SUMF1: variants seen among roughly 807,000 people sequenced by gnomAD.
SUMF1 encodes the protein formylglycine-generating enzyme.
Under a neutral mutation model 47.6 loss-of-function variants are expected in SUMF1, and 48 were observed. That is an observed-to-expected ratio of 1.01 (90% CI 0.80 to 1.28). The LOEUF is 1.28. Ranked by LOEUF, SUMF1 falls within the 50% of genes most tolerant of loss-of-function variation. SUMF1 has a pLI of 0.00. For missense variants in SUMF1, 571 were observed against 485.4 expected, an observed-to-expected ratio of 1.18 and a Z score of -1.66; for synonymous variants, 230 against 192.1, an observed-to-expected ratio of 1.20 and a Z score of -1.63.
chr3:4,275,361 C>A (rs1697390065), intron 8 of SUMF1, among the ~76,000 whole-genome samples: 1 of 152,184 alleles, frequency 6.6e-6, no homozygotes, highest in Non-Finnish European at 1.5e-5. Flanking sequence ...GTTCTCTCCT[C>A]TGTGTTGGCT....
intron 8 of SUMF1, among the ~76,000 whole-genome samples, chr3:4,150,189 G>T (rs961970737): frequency 6.6e-6 from 1 of 151,906 alleles, no homozygotes; most frequent in Non-Finnish European, 1.5e-5. Flanking sequence ...GATCTCCTGG[G>T]CTCAACCAAT....
At chr3:4,376,017 A>T (rs1443963059) in intron 8 of SUMF1, among the ~76,000 whole-genome samples, 1 of 152,200 alleles carries the variant, frequency 6.6e-6, no homozygotes, top group Non-Finnish European at 1.5e-5. Context: ...GTGCTTTCAG[A>T]CTTACATGCT....
At chr3:4,326,447 A>T (rs1386795267) in intron 8 of SUMF1, among the ~76,000 whole-genome samples, 3 of 151,656 alleles carry the variant, frequency 2.0e-5, no homozygotes, top group Non-Finnish European at 4.4e-5. Flanking sequence ...AGAAAATGAC[A>T]TTCTCTACTT....
At chr3:4,306,392 CT>C (rs60951412) in intron 8 of SUMF1, among the ~76,000 whole-genome samples, 1,743 of 152,166 alleles carry the variant, frequency 0.011, 38 homozygotes, top group African/African-American at 0.04. Context: ...ATAAATACGT[CT>C]ATTTTTAAAA....
intron 7 of SUMF1, among the ~76,000 whole-genome samples, chr3:4,378,749 C>G (rs560031725): frequency 2.0e-4 from 30 of 152,194 alleles, no homozygotes; most frequent in Non-Finnish European, 3.4e-4. Context: ...CACTGTTTCT[C>G]GCTTAACAAT....
chr3:4,100,329 C>T (rs1366498681), intron 8 of SUMF1, among the ~76,000 whole-genome samples: 27 of 151,736 alleles, frequency 1.8e-4, no homozygotes. Context: ...ATAGGACTGG[C>T]ATAAAAACAG....
intron 8 of SUMF1, among the ~76,000 whole-genome samples, chr3:4,252,065 A>T (rs1339896557): frequency 6.6e-6 from 1 of 152,234 alleles, no homozygotes; most frequent in Non-Finnish European, 1.5e-5. Context: ...GCCTGTAGAT[A>T]GTGGTAGTTT....
At chr3:4,225,560 C>A (rs1696155347) in intron 8 of SUMF1, among the ~76,000 whole-genome samples, 1 of 152,072 alleles carries the variant, frequency 6.6e-6, no homozygotes, top group African/African-American at 2.4e-5. Flanking sequence ...GTAAATAAAC[C>A]CAGCTAACAC....
At chr3:4,279,722 A>G (rs1267698512) in intron 8 of SUMF1, among the ~76,000 whole-genome samples, 1 of 152,162 alleles carries the variant, frequency 6.6e-6, no homozygotes, top group East Asian at 1.9e-4. Flanking sequence ...ACCAAGTTAC[A>G]TATGCCACCT....
chr3:4,096,251 A>T (rs1473437762), intron 8 of SUMF1, among the ~76,000 whole-genome samples: 4 of 152,138 alleles, frequency 2.6e-5, no homozygotes, highest in Non-Finnish European at 5.9e-5. Flanking sequence ...ATGCCTGAGA[A>T]CTTCCAGTAA....
chr3:4,158,316 T>C (rs1285322560), intron 8 of SUMF1, among the ~76,000 whole-genome samples: 1 of 151,642 alleles, frequency 6.6e-6, no homozygotes, highest in African/African-American at 2.4e-5. Context: ...AGATACTTGA[T>C]ATGATTTCAA....
chr3:4,355,124 T>C (rs777419192), intron 8 of SUMF1, among the ~76,000 whole-genome samples: 9 of 152,076 alleles, frequency 5.9e-5, no homozygotes, highest in Non-Finnish European at 1.2e-4. Flanking sequence ...CTGAGGCAAG[T>C]GGATTGCTTG....
At chr3:4,107,815 G>A (rs1211039695) in intron 8 of SUMF1, among the ~76,000 whole-genome samples, 6 of 151,960 alleles carry the variant, frequency 3.9e-5, no homozygotes, top group Admixed American at 3.9e-4. Context: ...TGAATTAAGT[G>A]CAAATATAAA....
intron 8 of SUMF1, among the ~76,000 whole-genome samples, chr3:4,263,634 C>A (rs1187257579): frequency 6.6e-6 from 1 of 152,144 alleles, no homozygotes. Flanking sequence ...TGGGAAATGC[C>A]CTCAGACTAT....
At position 4,126,500 on chromosome 3, in the gene SUMF1, C is replaced by A. The variant is rs550968755; in HGVS notation, c.1015-57755G>T. Among the ~76,000 whole-genome samples, 36 of 152,190 alleles carry A rather than the reference C, an allele frequency of 2.4e-4. 1 individual carries two copies. Among genetic ancestry groups the A allele is most frequent in the Middle Eastern group, 3.4e-3 (1 of 294 alleles). On this transcript the variant is annotated intron_variant and NMD_transcript_variant, in intron 8 of 12. Transcript: ENST00000448413. Reference sequence around the variant, plus strand: ...TACATCTTAGCCTCTAGACCATCTACTAGACTCACTACATTCATCCTTAGT... The same window carrying A: ...TACATCTTAGCCTCTAGACCATCTAATAGACTCACTACATTCATCCTTAGT...
At chr3:4,226,091 A>C (rs1487151321) in intron 8 of SUMF1, among the ~76,000 whole-genome samples, 2 of 151,952 alleles carry the variant, frequency 1.3e-5, no homozygotes, top group African/African-American at 4.8e-5. Context: ...CACTCCAAAT[A>C]CATAGGATCT....
chr3:4,451,627 G>GT (rs1176165066), intron 2 of SUMF1, among the ~76,000 whole-genome samples: 1 of 152,170 alleles, frequency 6.6e-6, no homozygotes, highest in Non-Finnish European at 1.5e-5. Context: ...TGAGCTGAGA[G>GT]TATCTCTGTG....
intron 8 of SUMF1, among the ~76,000 whole-genome samples, chr3:4,292,663 G>A (rs1697763396): frequency 6.6e-6 from 1 of 152,132 alleles, no homozygotes; most frequent in African/African-American, 2.4e-5. Flanking sequence ...CAGAGCAAAG[G>A]TAAAATTGGC....
chr3:4,284,441 A>AAGGAGGAGGAGGAGGAGGAGGAGGAAG (rs1697589436), intron 8 of SUMF1, among the ~76,000 whole-genome samples: 1 of 91,640 alleles, frequency 1.1e-5, no homozygotes, highest in Admixed American at 1.1e-4. Flanking sequence ...TAAAAAATGA[A>AAGGAGGAGGAGGAGGAGGAGGAGGAAG]AGGAGGAGGA....
Sources: allele counts gnomAD v4.1 joint callset (sites outside exome capture counted in the v4.1 genomes callset), GRCh38; gene constraint gnomAD v4.1.1; transcripts MANE v1.5; gene names NCBI Gene and HGNC (gene_info 2026-07-23, HGNC 2026-07-21).